The following CD200R1 variants were observed in gnomAD, a reference collection of about 807,000 sequenced individuals.
CD200R1 encodes the protein CD200 receptor 1.
CD200R1 carries 30 observed loss-of-function variants against 38.1 expected under a neutral mutation model. The observed-to-expected ratio is 0.79, with a 90% CI of 0.59 to 1.07. The LOEUF (loss-of-function observed/expected upper bound fraction) is 1.07, where lower values mean the gene tolerates loss of function less well. Among genes scored for constraint, CD200R1 ranks in the 50% least tolerant of loss-of-function variants. CD200R1 has a pLI of 0.00. For missense variants in CD200R1, 372 were observed against 415.4 expected (o/e 0.90, Z 0.91); for synonymous variants, 128 against 152.1 (o/e 0.84, Z 1.16).
At chr3:112,952,700 T>G (rs758880836) in intron 1 of CD200R1, among the ~76,000 whole-genome samples, 3 of 152,114 alleles carry the variant, frequency 2.0e-5, no homozygotes, top group Admixed American at 6.5e-5. Context: ...GACGAGTTAG[T>G]GGGTGCAGCG....
chr3:112,933,402 G>T (rs767027836), intron 2 of CD200R1, among the ~76,000 whole-genome samples: 2 of 152,134 alleles, frequency 1.3e-5, no homozygotes, highest in Non-Finnish European at 2.9e-5. Flanking sequence ...TCCCAGCAAA[G>T]CTGTGCCACT....
At chr3:112,947,051 G>A (rs528666238) in intron 2 of CD200R1, among the ~76,000 whole-genome samples, 4 of 152,060 alleles carry the variant, frequency 2.6e-5, no homozygotes, top group African/African-American at 4.8e-5. Context: ...ATACTGTAAC[G>A]TTCCAATTAT....
chr3:112,961,865 T>C (rs2107340201), intron 1 of CD200R1, among the ~76,000 whole-genome samples: 1 of 152,258 alleles, frequency 6.6e-6, no homozygotes, highest in East Asian at 1.9e-4. Flanking sequence ...ATGAACAGGC[T>C]GACAAAAGAT....
At position 112,954,824 on chromosome 3, in the gene CD200R1, T is replaced by C. The variant is rs539236993; in HGVS notation, c.68-6900A>G. On this transcript the variant is annotated intron_variant, in intron 1 of 7. Transcript: ENST00000308611. ...TAATAAACTAGTAAACATAAGTAAG[T>C]ATTTCGCTGAGTTCTGTGAGTTGTT... Among the ~76,000 whole-genome samples, 100 of 152,248 alleles carry C rather than the reference T, an allele frequency of 6.6e-4. 2 individuals are homozygous for C. Among genetic ancestry groups the C allele is most frequent in the African/African-American group, 2.4e-3 (98 of 41,542 alleles).
intron 1 of CD200R1, among the ~76,000 whole-genome samples, chr3:112,971,462 C>A (rs2097709110): frequency 6.6e-6 from 1 of 152,086 alleles, no homozygotes; most frequent in African/African-American, 2.4e-5. Context: ...AATTTAATAT[C>A]TTCCTCCACA....
chr3:112,928,670 C>T, intron 5 of CD200R1, 146 bp downstream of exon 5: 1 of 643,728 alleles, frequency 1.6e-6, no homozygotes, highest in Admixed American at 2.9e-5. Context: ...CTCCTCAACT[C>T]ATCTCTTTAT....
At chr3:112,943,950 C>A (rs1327432466) in intron 2 of CD200R1, among the ~76,000 whole-genome samples, 2 of 151,708 alleles carry the variant, frequency 1.3e-5, no homozygotes, top group Non-Finnish European at 1.5e-5. Flanking sequence ...AAAGGAGAAA[C>A]AGGCAAATTG....
chr3:112,925,924 C>G (rs768646219), intron 5 of CD200R1, among the ~76,000 whole-genome samples: 11 of 152,076 alleles, frequency 7.2e-5, no homozygotes, highest in Non-Finnish European at 1.0e-4. Flanking sequence ...ACTGCTTTTT[C>G]AATACAGACT....
At chr3:112,968,459 T>C (rs923069941) in intron 1 of CD200R1, among the ~76,000 whole-genome samples, 95 of 152,308 alleles carry the variant, frequency 6.2e-4, no homozygotes, top group African/African-American at 2.2e-3. Context: ...CTGAGGTTAC[T>C]GGAAAGTGGA....
At chr3:112,935,436 T>C (rs570104021) in intron 2 of CD200R1, among the ~76,000 whole-genome samples, 42 of 152,266 alleles carry the variant, frequency 2.8e-4, no homozygotes, top group South Asian at 1.0e-3. Context: ...AAGAGGAACA[T>C]TTGAAACTAT....
intron 1 of CD200R1, among the ~76,000 whole-genome samples, chr3:112,949,035 G>T (rs1940922574): frequency 6.6e-6 from 1 of 152,182 alleles, no homozygotes; most frequent in Non-Finnish European, 1.5e-5. Flanking sequence ...TAATTTTTTA[G>T]CTGGATCTAA....
chr3:112,938,880 A>G (rs1194901937), intron 2 of CD200R1, among the ~76,000 whole-genome samples: 3 of 152,062 alleles, frequency 2.0e-5, no homozygotes, highest in African/African-American at 7.2e-5. Context: ...ATAAAATACT[A>G]GCAAATGAAT....
At chr3:112,962,052 C>T (rs1044463782) in intron 1 of CD200R1, among the ~76,000 whole-genome samples, 1 of 152,092 alleles carries the variant, frequency 6.6e-6, no homozygotes, top group African/African-American at 2.4e-5. Flanking sequence ...ATTTAGAAAG[C>T]AGTAAGTATT....
At chr3:112,954,033 A>T (rs570287985) in intron 1 of CD200R1, among the ~76,000 whole-genome samples, 1 of 151,336 alleles carries the variant, frequency 6.6e-6, no homozygotes, top group South Asian at 2.1e-4. Flanking sequence ...TTTATTTGAG[A>T]TTTTTCTTCT....
chr3:112,930,129 A>C (rs1029711052), intron 3 of CD200R1, among the ~76,000 whole-genome samples: 1 of 145,836 alleles, frequency 6.9e-6, no homozygotes, highest in East Asian at 2.0e-4. Context: ...AAAAAAAAAA[A>C]CTATTATTCC....
chr3:112,923,681 A>C lies in CD200R1; in HGVS notation c.1043T>G (p.Leu348Ter), dbSNP rs775189028. ...QSEVDTDLHT[L>*] ...TTGGTACTAGAGTCCAACAACTTAT[A>C]AAGTATGGAGGTCTGTGTCAACTTC... Residue 348 changes from leucine to a stop codon, truncating the protein, a stop_gained, in exon 8 of 8, where the codon TTA (leucine) becomes TGA (stop). Transcript: ENST00000308611. LOFTEE classifies it high-confidence loss of function. The C allele has an allele frequency of 8.1e-6, 12 of 1,486,006 alleles. No homozygotes were observed. The highest frequency in any genetic ancestry group is 8.4e-6 in the Non-Finnish European group (9 of 1,071,854). The allele number at this position is 1,486,006 out of a possible 1,614,324, so 92.1% of individuals were successfully genotyped here.
intron 1 of CD200R1, among the ~76,000 whole-genome samples, chr3:112,965,894 A>G (rs1933148312): frequency 6.6e-6 from 1 of 152,224 alleles, no homozygotes. Context: ...AGAAGGAATG[A>G]GACAAAAAGC....
intron 2 of CD200R1, among the ~76,000 whole-genome samples, chr3:112,941,872 AAAGAATTATACCC>A (rs1160723927): frequency 1.3e-5 from 2 of 151,612 alleles, no homozygotes; most frequent in African/African-American, 4.8e-5. Context: ...GAAGAAAAGA[AAAGAATTATACCC>A]AACTTCTCCT....
At chr3:112,926,232 G>T (rs1181186533) in intron 5 of CD200R1, among the ~76,000 whole-genome samples, 1 of 152,170 alleles carries the variant, frequency 6.6e-6, no homozygotes, top group Non-Finnish European at 1.5e-5. Context: ...GAGAGGCAAC[G>T]ATTTGCAAAC....
Sources: allele counts gnomAD v4.1 joint callset (sites outside exome capture counted in the v4.1 genomes callset), GRCh38; gene constraint gnomAD v4.1.1; transcripts MANE v1.5; gene names NCBI Gene and HGNC (gene_info 2026-07-23, HGNC 2026-07-21).